Variants in BICC1 observed in about 807,000 individuals in gnomAD.
BICC1 encodes BicC family RNA binding protein 1.
A neutral mutation model predicts 111.0 loss-of-function variants in BICC1; 43 were observed. That is an observed-to-expected ratio of 0.39 (90% confidence interval 0.30 to 0.50). BICC1 has a LOEUF of 0.50. BICC1 is among the 20% of genes least tolerant of loss of function. The probability of loss-of-function intolerance (pLI) is 0.88; values close to 1 mark genes in which losing one functional copy is unlikely to be tolerated. For missense variants in BICC1, 1,091 were observed against 1,203.2 expected (o/e 0.91, Z 1.38); for synonymous variants, 467 against 434.4 (o/e 1.07, Z -0.93).
intron 1 of BICC1, among the ~76,000 whole-genome samples, chr10:58,559,933 A>AT (rs747487102): frequency 6.7e-6 from 1 of 150,098 alleles, no homozygotes; most frequent in East Asian, 1.9e-4. Context: ...ATGTTGTGTA[A>AT]TTTTTTGATG....
intron 1 of BICC1, among the ~76,000 whole-genome samples, chr10:58,516,194 G>A (rs1842236859): frequency 6.6e-6 from 1 of 152,058 alleles, no homozygotes; most frequent in African/African-American, 2.4e-5. Flanking sequence ...TTTAAATCAG[G>A]ATAAATAAGA....
intron 2 of BICC1, among the ~76,000 whole-genome samples, chr10:58,621,964 T>TC (rs1845831088): frequency 1.6e-5 from 1 of 62,340 alleles, no homozygotes; most frequent in Non-Finnish European, 3.4e-5. Flanking sequence ...TAGAATAGAA[T>TC]AGAATAATCC....
chr10:58,702,200 C>A (rs1359340591), intron 3 of BICC1, 57 bp downstream of exon 3: 35 of 1,404,572 alleles, frequency 2.5e-5, no homozygotes, highest in Non-Finnish European at 3.5e-5. Flanking sequence ...TATGGAATTA[C>A]TGCAGGTTTG....
At chr10:58,671,014 C>G (rs975717519) in intron 2 of BICC1, among the ~76,000 whole-genome samples, 4 of 152,064 alleles carry the variant, frequency 2.6e-5, no homozygotes, top group Admixed American at 1.3e-4. Context: ...ACGTGGTTTG[C>G]CTTCTCTCTC....
At chr10:58,749,729 A>G (rs1389403211) in intron 3 of BICC1, among the ~76,000 whole-genome samples, 3 of 152,304 alleles carry the variant, frequency 2.0e-5, no homozygotes, top group Admixed American at 6.5e-5. Context: ...CCAGACCCTT[A>G]GTTGAATAAA....
chr10:58,581,305 A>T (rs945442701), intron 1 of BICC1, among the ~76,000 whole-genome samples: 3 of 152,218 alleles, frequency 2.0e-5, no homozygotes, highest in Admixed American at 1.3e-4. Context: ...AAGTGGTAAT[A>T]GTAATATTTA....
intron 3 of BICC1, among the ~76,000 whole-genome samples, chr10:58,743,829 T>C (rs1344129971): frequency 2.0e-5 from 3 of 151,190 alleles, no homozygotes; most frequent in African/African-American, 7.3e-5. Flanking sequence ...AAAATAAAAA[T>C]GGTTACTGCA....
In BICC1 at chr10:58,661,288, T is replaced by A. The variant is rs149788235; in HGVS notation, c.237+40387T>A. 3.2e-4 allele frequency among the ~76,000 whole-genome samples: 49 copies of A among 151,768 alleles called. No individual in the cohort carries two copies. In the East Asian group the frequency reaches 9.5e-3, roughly 30 times the overall value. On this transcript the variant is annotated intron_variant, in intron 2 of 20. Coordinates refer to ENST00000373886, the MANE Select transcript of BICC1 (RefSeq NM_001080512.3). Reference sequence around the variant, plus strand: ...TGCTTCTTTGCTCAATTCAGAATACTGGTATTCAGTTAGTTCCATGTCATT... The same window carrying A: ...TGCTTCTTTGCTCAATTCAGAATACAGGTATTCAGTTAGTTCCATGTCATT...
intron 2 of BICC1, among the ~76,000 whole-genome samples, chr10:58,687,276 G>A (rs1163275377): frequency 1.3e-5 from 2 of 152,164 alleles, no homozygotes; most frequent in East Asian, 1.9e-4. Context: ...CATGTGAGTC[G>A]GCCTCCACTG....
intron 3 of BICC1, among the ~76,000 whole-genome samples, chr10:58,745,933 A>G (rs1218154930): frequency 6.6e-6 from 1 of 152,046 alleles, no homozygotes; most frequent in African/African-American, 2.4e-5. Context: ...TAGGGTAGAT[A>G]TTTGTATATT....
At chr10:58,625,737 T>C (rs1047051639) in intron 2 of BICC1, among the ~76,000 whole-genome samples, 3 of 152,286 alleles carry the variant, frequency 2.0e-5, no homozygotes, top group East Asian at 1.9e-4. Context: ...TGTTGTCTTC[T>C]GGGGGAAATT....
chr10:58,775,708 T>C (rs1004200403), intron 3 of BICC1, among the ~76,000 whole-genome samples: 8 of 152,190 alleles, frequency 5.3e-5, no homozygotes, highest in African/African-American at 1.9e-4. Flanking sequence ...ATTGTGCCAG[T>C]ATATGTGGCT....
chr10:58,620,977 A>G (rs2132137570), intron 2 of BICC1, 76 bp downstream of exon 2: 3 of 1,280,428 alleles, frequency 2.3e-6, no homozygotes, highest in Non-Finnish European at 3.3e-6. Flanking sequence ...CCTAGAAGCC[A>G]CCGAACGCTC....
intron 1 of BICC1, among the ~76,000 whole-genome samples, chr10:58,547,824 G>A (rs1198045390): frequency 6.6e-6 from 1 of 152,090 alleles, no homozygotes; most frequent in Non-Finnish European, 1.5e-5. Flanking sequence ...CTGTTGCATT[G>A]TTGTTGTTTT....
intron 1 of BICC1, among the ~76,000 whole-genome samples, chr10:58,573,197 C>G (rs927964815): frequency 2.0e-5 from 3 of 152,126 alleles, no homozygotes; most frequent in Non-Finnish European, 2.9e-5. Flanking sequence ...AGTGGTTATG[C>G]ACTGCCAACT....
At chr10:58,564,188 T>G (rs1322066743) in intron 1 of BICC1, among the ~76,000 whole-genome samples, 1 of 152,218 alleles carries the variant, frequency 6.6e-6, no homozygotes, top group Non-Finnish European at 1.5e-5. Context: ...TTCTTGACTG[T>G]TTAAAAAATT....
At chr10:58,783,472 G>A (rs1485459249) in intron 3 of BICC1, among the ~76,000 whole-genome samples, 2 of 151,864 alleles carry the variant, frequency 1.3e-5, no homozygotes, top group Admixed American at 6.6e-5. Context: ...CTAGGCTGTG[G>A]GATGGGGGTG....
chr10:58,622,961 T>C (rs893271393), intron 2 of BICC1, among the ~76,000 whole-genome samples: 5 of 152,208 alleles, frequency 3.3e-5, no homozygotes, highest in Non-Finnish European at 7.3e-5. Flanking sequence ...GAATGTTTCT[T>C]AGTTTTTACT....
intron 2 of BICC1, among the ~76,000 whole-genome samples, chr10:58,694,794 G>A (rs568356857): frequency 1.3e-5 from 2 of 152,234 alleles, no homozygotes; most frequent in African/African-American, 4.8e-5. Context: ...TCATTAATAA[G>A]GCAGGGAGTG....
Sources: gnomAD v4.1 joint callset for allele counts (sites outside exome capture counted in the v4.1 genomes callset) on GRCh38, gnomAD v4.1.1 for gene constraint, MANE v1.5 for transcripts, NCBI Gene and HGNC (gene_info 2026-07-23, HGNC 2026-07-21) for gene names.